The following COL27A1 variants were observed in gnomAD, a reference collection of about 807,000 sequenced individuals.
COL27A1 encodes collagen alpha-1(XXVII) chain.
A neutral mutation model predicts 251.3 loss-of-function variants in COL27A1; 106 were observed. That is an observed-to-expected ratio of 0.42 (90% CI 0.36 to 0.50). COL27A1 has a LOEUF of 0.50. COL27A1 is among the 20% of genes least tolerant of loss of function. The pLI is 0.00. For synonymous variants in COL27A1, 1,000 were observed against 986.3 expected (o/e 1.01, Z -0.26); for missense variants, 2,325 against 2,522.8 (o/e 0.92, Z 1.68).
At chr9:114,270,974 C>A in intron 36 of COL27A1, 193 bp downstream of exon 36, 1 of 579,178 alleles carries the variant, frequency 1.7e-6, no homozygotes, top group Non-Finnish European at 3.0e-6. Flanking sequence ...CTCTGCACTA[C>A]CTGCTCAGGT....
intron 14 of COL27A1, among the ~76,000 whole-genome samples, chr9:114,228,577 G>A (rs533097189): frequency 2.0e-5 from 3 of 152,316 alleles, no homozygotes; most frequent in East Asian, 1.9e-4. Context: ...GAATCCCAGC[G>A]GTGCCCCGAC....
At chr9:114,171,432 C>A (rs1849314472) in intron 3 of COL27A1, among the ~76,000 whole-genome samples, 1 of 152,000 alleles carries the variant, frequency 6.6e-6, no homozygotes, top group East Asian at 1.9e-4. Flanking sequence ...CTGTCCCTGG[C>A]CTCAAAGGAA....
At chr9:114,211,208 T>TGGCTGG (rs912340359) in intron 12 of COL27A1, among the ~76,000 whole-genome samples, 182 bp downstream of exon 12, 25 of 152,226 alleles carry the variant, frequency 1.6e-4, no homozygotes, top group Non-Finnish European at 2.9e-4. Context: ...GACTGGGGCC[T>TGGCTGG]GGCTGGGGCT....
rs917750064 is a variant in COL27A1 at position 114,264,857 on chromosome 9, G to A, written c.3250-67G>A. Reference sequence around the variant, plus strand: ...GTTCCTTTTATCTCCCATGTGGAGGGGTCCCTTTTTGGGGAACGGTCCTCC... The same window carrying A: ...GTTCCTTTTATCTCCCATGTGGAGGAGTCCCTTTTTGGGGAACGGTCCTCC... On this transcript the variant is annotated intron_variant, in intron 29 of 60. Coordinates refer to ENST00000356083, the MANE Select transcript of COL27A1 (RefSeq NM_032888.4). 2.2e-5 allele frequency: 34 copies of A among 1,519,966 alleles called. No individual in the cohort carries two copies. The African/African-American group carries it at 4.7e-4, about 21-fold the overall frequency. 94.2% of individuals were successfully genotyped at this position (1,519,966 alleles called of 1,614,324 possible).
At chr9:114,194,340 T>C in intron 5 of COL27A1, 64 bp from the exon 6 acceptor site, 2 of 1,507,612 alleles carry the variant, frequency 1.3e-6, no homozygotes, top group South Asian at 1.1e-5. Context: ...GAGCAGAGTT[T>C]GTGGGGAGGC....
intron 5 of COL27A1, 96 bp from the exon 6 acceptor site, chr9:114,194,308 T>G: frequency 8.2e-7 from 1 of 1,212,770 alleles, no homozygotes; most frequent in Non-Finnish European, 1.2e-6. Context: ...GGGAAGGCAT[T>G]TAAGCAAGGG....
Position 114,168,453 on chromosome 9 carries a change from C to T in COL27A1, c.898C>T (p.Pro300Ser). ...GTVAPATPTK[P>S]QRTSPTNPHQ... is the part of the protein sequence containing the mutation. ...TGTGGCACCCGCCACGCCCACCAAG[C>T]CCCAAAGGACTAGCCCCACAAACCC... Residue 300 changes from proline to serine, a missense_variant, in exon 3 of 61, where the codon CCC (proline) becomes TCC (serine). Transcript: ENST00000356083. 6.2e-7 allele frequency: 1 copy of T among 1,613,958 alleles called. No homozygotes were observed. Among genetic ancestry groups the T allele is most frequent in the South Asian group, 1.1e-5 (1 of 91,082 alleles).
chr9:114,282,213 G>C lies in COL27A1; in HGVS notation c.3718-64G>C, dbSNP rs752828024. 2.0e-6 allele frequency: 3 copies of C among 1,490,498 alleles called. No individual in the cohort carries two copies. In the South Asian group the frequency reaches 3.4e-5, roughly 17 times the overall value. 92.3% of individuals were successfully genotyped at this position (1,490,498 alleles called of 1,614,324 possible). A position where few individuals can be genotyped will look rare whatever the true frequency, so the allele number is the denominator to read the frequency against. ...AGAGCCGACAGTCTGACCGCCTTGCGGATCCGCCTCAGTTTCCTCTCTTCT... is the reference window on the plus strand; with the variant it reads ...AGAGCCGACAGTCTGACCGCCTTGCCGATCCGCCTCAGTTTCCTCTCTTCT... On this transcript the variant is annotated intron_variant, in intron 37 of 60. Transcript: ENST00000356083.
intron 35 of COL27A1, 47 bp downstream of exon 35, chr9:114,269,341 G>C: frequency 7.1e-7 from 1 of 1,415,982 alleles, no homozygotes; most frequent in East Asian, 2.3e-5. Flanking sequence ...AGGGTGTGTG[G>C]GTGCCGCAGG....
At chr9:114,231,200 A>C (rs527625987) in intron 15 of COL27A1, 68 bp downstream of exon 15, 214 of 1,443,968 alleles carry the variant, frequency 1.5e-4, no homozygotes, top group Non-Finnish European at 1.9e-4. Flanking sequence ...ATTTCAGCCC[A>C]GAAGGAAGGG....
At chr9:114,300,970 C>A (rs1001709900) in intron 51 of COL27A1, 102 bp from the exon 52 acceptor site, 103 of 1,176,590 alleles carry the variant, frequency 8.8e-5, no homozygotes, top group Non-Finnish European at 3.2e-5. Flanking sequence ...GATGGTCTCC[C>A]TTCTACTCCC....
intron 4 of COL27A1, among the ~76,000 whole-genome samples, 185 bp downstream of exon 4, chr9:114,178,529 G>C (rs1314472692): frequency 2.0e-5 from 3 of 152,146 alleles, no homozygotes; most frequent in Admixed American, 2.0e-4. Context: ...GGACAGATAT[G>C]GCATGGAACA....
chr9:114,305,633 C>CCA (rs1828983960), intron 57 of COL27A1, among the ~76,000 whole-genome samples: 1 of 152,166 alleles, frequency 6.6e-6, no homozygotes, highest in Non-Finnish European at 1.5e-5. Flanking sequence ...CTCTCCCACA[C>CCA]GTGGCTCCCA....
intron 6 of COL27A1, 148 bp downstream of exon 6, chr9:114,194,605 G>A (rs753882204): frequency 6.9e-6 from 5 of 722,232 alleles, no homozygotes; most frequent in African/African-American, 5.4e-5. Flanking sequence ...GTATGGTTTG[G>A]TTTTTTCCTT....
At chr9:114,267,828 C>T (rs1834852555) in intron 34 of COL27A1, among the ~76,000 whole-genome samples, 1 of 152,210 alleles carries the variant, frequency 6.6e-6, no homozygotes, top group Non-Finnish European at 1.5e-5. Context: ...ATACCATCTG[C>T]AGCTCGGTGC....
rs552385990 is a variant in COL27A1 at position 114,240,144 on chromosome 9, T to C, written c.2728-76T>C. 89 of 1,317,672 alleles carry C rather than the reference T, an allele frequency of 6.8e-5. 3 individuals are homozygous for C. The South Asian group carries it at 1.0e-3, about 15-fold the overall frequency. The allele number at this position is 1,317,672 out of a possible 1,614,324, so 81.6% of individuals were successfully genotyped here. A position where few individuals can be genotyped will look rare whatever the true frequency, so the allele number is the denominator to read the frequency against. The stretch of plus-strand genomic sequence containing the variant: ...CAGGATGAGATGGAAACCCGGTCAG[T>C]CTCCCTGCAAGACGCATCCCCGTAG... On this transcript the variant is annotated intron_variant, in intron 19 of 60. Coordinates refer to ENST00000356083, the MANE Select transcript of COL27A1 (RefSeq NM_032888.4).
At chr9:114,172,795 A>G (rs1434955765) in intron 3 of COL27A1, among the ~76,000 whole-genome samples, 1 of 152,168 alleles carries the variant, frequency 6.6e-6, no homozygotes, top group African/African-American at 2.4e-5. Context: ...CTCTGTCTCA[A>G]AAAACAGCTG....
Position 114,205,166 on chromosome 9 carries a change from C to A in COL27A1, c.2169+20C>A. 6.2e-7 allele frequency: 1 copy of A among 1,610,560 alleles called. No homozygotes were observed. Among genetic ancestry groups the A allele is most frequent in the Non-Finnish European group, 8.5e-7 (1 of 1,178,444 alleles). On this transcript the variant is annotated intron_variant, in intron 8 of 60. Coordinates refer to ENST00000356083, the MANE Select transcript of COL27A1 (RefSeq NM_032888.4). Reference sequence around the variant, plus strand: ...GAACAGGTGAGGGCCTCAGCCTCAGCCCTGCCCTGGTCGCTCTCCCTCCTC... The same window carrying A: ...GAACAGGTGAGGGCCTCAGCCTCAGACCTGCCCTGGTCGCTCTCCCTCCTC...
chr9:114,290,987 G>C lies in COL27A1; in HGVS notation c.4476+70G>C. 1 of 1,168,762 alleles carries C rather than the reference G, an allele frequency of 8.6e-7. No individual in the cohort carries two copies. The highest frequency in any genetic ancestry group is 1.2e-6 in the Non-Finnish European group (1 of 822,966). The allele number at this position is 1,168,762 out of a possible 1,614,324, so 72.4% of individuals were successfully genotyped here. On this transcript the variant is annotated intron_variant, in intron 48 of 60. Transcript: ENST00000356083. This position sits in a 1 kb window ranked among gnomAD's most constrained non-coding sequence, Gnocchi z 4.6. ...CCTTGATGCAGACTCTAGTGGTTCCGACCCTTTGGGCACCCATGTCCCAGG... is the reference window on the plus strand; with the variant it reads ...CCTTGATGCAGACTCTAGTGGTTCCCACCCTTTGGGCACCCATGTCCCAGG...
Sources: allele counts gnomAD v4.1 joint callset (sites outside exome capture counted in the v4.1 genomes callset), GRCh38; gene constraint gnomAD v4.1.1; non-coding constraint Gnocchi (gnomAD v3.1); transcripts MANE v1.5; gene names NCBI Gene and HGNC (gene_info 2026-07-23, HGNC 2026-07-21).